Variants in SLC25A17 observed in about 807,000 individuals in gnomAD.
SLC25A17 encodes the protein peroxisomal membrane protein PMP34.
SLC25A17 carries 26 observed loss-of-function variants against 38.5 expected under a neutral mutation model. The observed-to-expected ratio is 0.68, with a 90% CI of 0.50 to 0.94. The LOEUF is 0.94. Among genes scored for constraint, SLC25A17 ranks in the 40% least tolerant of loss-of-function variants. The pLI is 0.00. For missense variants in SLC25A17, 333 were observed against 372.7 expected (o/e 0.89, Z 0.88); for synonymous variants, 139 against 136.2 (o/e 1.02, Z -0.14).
In SLC25A17 at chr22:40,789,891, T is replaced by C. The variant is rs764123150; in HGVS notation, c.334+2634A>G. 3.3e-5 allele frequency among the ~76,000 whole-genome samples: 5 copies of C among 151,848 alleles called. No individual in the cohort carries two copies. The highest frequency in any genetic ancestry group is 9.7e-5 in the African/African-American group (4 of 41,438). On this transcript the variant is annotated intron_variant, in intron 4 of 8. Coordinates refer to ENST00000435456, the MANE Select transcript of SLC25A17 (RefSeq NM_006358.4). This position sits in a 1 kb window ranked among gnomAD's most constrained non-coding sequence, Gnocchi z 4.5. ...TGCGGGCTCAAGTGATCCTCCTGCC[T>C]TGACCTCCCAAACTGCTGGGATTAC...
chr22:40,784,567 G>T, intron 4 of SLC25A17: 1 of 272,454 alleles, frequency 3.7e-6, no homozygotes, highest in Non-Finnish European at 8.0e-6. Flanking sequence ...GAGGCCAGGG[G>T]TTTGAAACCA....
intron 4 of SLC25A17, among the ~76,000 whole-genome samples, chr22:40,780,826 A>G (rs1459713562): frequency 6.6e-6 from 1 of 152,184 alleles, no homozygotes; most frequent in Non-Finnish European, 1.5e-5. Flanking sequence ...CACATACAAA[A>G]ACACTTAGGA....
At chr22:40,803,820 G>GTTTTTTT (rs772323398) in intron 1 of SLC25A17, among the ~76,000 whole-genome samples, 3 of 117,452 alleles carry the variant, frequency 2.6e-5, no homozygotes, top group African/African-American at 3.1e-5. Context: ...GCTAGTTTTT[G>GTTTTTTT]TTTTTTTTTT....
rs563123142 is a variant in SLC25A17, at chr22:40,782,257, C to T, written c.335-3132G>A. Among the ~76,000 whole-genome samples, 3 of 150,392 alleles carry T rather than the reference C, an allele frequency of 2.0e-5. No individual in the cohort carries two copies. In the East Asian group the frequency reaches 6.0e-4, roughly 30 times the overall value. Reference sequence around the variant, plus strand: ...ACAACAACAACAACAACAACTCTTCCGCCAGTTCCAAGCTGTGGATGCTAC... The same window carrying T: ...ACAACAACAACAACAACAACTCTTCTGCCAGTTCCAAGCTGTGGATGCTAC... On this transcript the variant is annotated intron_variant, in intron 4 of 8. Coordinates refer to ENST00000435456, the MANE Select transcript of SLC25A17 (RefSeq NM_006358.4).
rs969477991 is a variant in SLC25A17 at position 40,769,683 on chromosome 22, T to G, written c.*1151A>C. On this transcript the variant is annotated 3_prime_UTR_variant, in exon 9 of 9. Coordinates refer to ENST00000435456, the MANE Select transcript of SLC25A17 (RefSeq NM_006358.4). ...AATCTCTTTCCTTTGAGAAAAATCT[T>G]TATCTTGATGTCTATAATCGAAACC... 1.3e-5 allele frequency: 2 copies of G among 152,202 alleles called. No homozygotes were observed. Among genetic ancestry groups the G allele is most frequent in the African/African-American group, 4.8e-5 (2 of 41,446 alleles). 9.4% of individuals were successfully genotyped at this position (152,202 alleles called of 1,614,324 possible). A position where few individuals can be genotyped will look rare whatever the true frequency, so the allele number is the denominator to read the frequency against.
chr22:40,780,173 TAC>T (rs2057282085), intron 4 of SLC25A17: 1 of 152,318 alleles, frequency 6.6e-6, no homozygotes, highest in African/African-American at 2.4e-5. Flanking sequence ...ATATAGGAAA[TAC>T]AGTCTAACCA....
intron 2 of SLC25A17, chr22:40,797,332 C>A: frequency 7.7e-7 from 1 of 1,300,424 alleles, no homozygotes; most frequent in South Asian, 1.2e-5. Context: ...TCAACTTGAA[C>A]AAATCTGAGG....
intron 4 of SLC25A17, among the ~76,000 whole-genome samples, chr22:40,791,944 T>C (rs2057388745): frequency 6.6e-6 from 1 of 152,196 alleles, no homozygotes; most frequent in Non-Finnish European, 1.5e-5. Context: ...TCCATTTTCA[T>C]AGCACTATTC....
chr22:40,790,998 T>C (rs993362713), intron 4 of SLC25A17, among the ~76,000 whole-genome samples: 2 of 152,244 alleles, frequency 1.3e-5, no homozygotes, highest in Non-Finnish European at 2.9e-5. Flanking sequence ...TGAGTCGTGA[T>C]ACTCTTTGAA....
At chr22:40,818,970 C>G (rs987296335) in intron 1 of SLC25A17, among the ~76,000 whole-genome samples, 4 of 152,282 alleles carry the variant, frequency 2.6e-5, no homozygotes, top group Admixed American at 2.6e-4. Context: ...GGCTCTCTAC[C>G]CCGCAGTCTC....
chr22:40,815,723 CCT>C (rs1446143446), intron 1 of SLC25A17, among the ~76,000 whole-genome samples: 1 of 152,116 alleles, frequency 6.6e-6, no homozygotes, highest in African/African-American at 2.4e-5. Context: ...TGTTATTGTC[CCT>C]GTTTTATAGT....
At chr22:40,804,140 G>C (rs894154487) in intron 1 of SLC25A17, among the ~76,000 whole-genome samples, 3 of 151,988 alleles carry the variant, frequency 2.0e-5, no homozygotes, top group African/African-American at 7.3e-5. Context: ...CCCAATTCGG[G>C]CTTCAAAGGA....
chr22:40,815,907 C>A (rs2057634068), intron 1 of SLC25A17, among the ~76,000 whole-genome samples: 1 of 152,142 alleles, frequency 6.6e-6, no homozygotes, highest in Non-Finnish European at 1.5e-5. Context: ...TAATTCCAGG[C>A]CAGGCGCAGT....
At chr22:40,806,149 C>A (rs995915378) in intron 1 of SLC25A17, among the ~76,000 whole-genome samples, 1 of 152,154 alleles carries the variant, frequency 6.6e-6, no homozygotes, top group Non-Finnish European at 1.5e-5. Context: ...TTGCTACAAT[C>A]CCTGGAGGCT....
intron 8 of SLC25A17, among the ~76,000 whole-genome samples, chr22:40,771,815 A>G (rs2057186200): frequency 6.6e-6 from 1 of 152,202 alleles, no homozygotes; most frequent in African/African-American, 2.4e-5. Flanking sequence ...ACTATAGTCA[A>G]TAATAATTTA....
chr22:40,785,148 C>G (rs1205386561), intron 4 of SLC25A17, among the ~76,000 whole-genome samples: 1 of 152,216 alleles, frequency 6.6e-6, no homozygotes, highest in East Asian at 1.9e-4. Flanking sequence ...CTTTAGGAGG[C>G]TGACGCAGGT....
At chr22:40,808,158 G>C (rs2057546462) in intron 1 of SLC25A17, among the ~76,000 whole-genome samples, 1 of 152,118 alleles carries the variant, frequency 6.6e-6, no homozygotes, top group African/African-American at 2.4e-5. Flanking sequence ...TTCTAACGCT[G>C]ACAGCAATTA....
chr22:40,810,474 A>G (rs1676446444), intron 1 of SLC25A17, among the ~76,000 whole-genome samples: 1 of 151,210 alleles, frequency 6.6e-6, no homozygotes, highest in African/African-American at 2.4e-5. Flanking sequence ...CAGCCTCCTG[A>G]GTAGCTGGGA....
chr22:40,782,324 CA>C (rs371157948), intron 4 of SLC25A17, among the ~76,000 whole-genome samples: 13 of 152,266 alleles, frequency 8.5e-5, no homozygotes, highest in African/African-American at 3.1e-4. Context: ...CTTTACCTAC[CA>C]AAGGGCAGAA....
Sources: allele counts gnomAD v4.1 joint callset (sites outside exome capture counted in the v4.1 genomes callset), GRCh38; gene constraint gnomAD v4.1.1; non-coding constraint Gnocchi (gnomAD v3.1); transcripts MANE v1.5; gene names NCBI Gene and HGNC (gene_info 2026-07-23, HGNC 2026-07-21).